TUBAL3: variants seen among roughly 807,000 people sequenced by gnomAD.
TUBAL3 encodes tubulin alpha chain-like 3.
In TUBAL3, 16 loss-of-function variants were observed where a neutral mutation model predicts 15.5. The ratio of observed to expected loss-of-function variants is 1.04; its 90% CI spans 0.70 to 1.57. The LOEUF is 1.57. Ranked by LOEUF, TUBAL3 falls within the 40% of genes most tolerant of loss-of-function variation. The pLI is 0.00. For missense variants in TUBAL3, 609 were observed against 576.2 expected (o/e 1.06, Z -0.58); for synonymous variants, 238 against 224.3 (o/e 1.06, Z -0.55).
rs782333333 is a variant in TUBAL3 at position 5,393,978 on chromosome 10, A to G, written c.880T>C (p.Ser294Pro). The G allele has an allele frequency of 2.5e-6, 4 of 1,614,216 alleles. No homozygotes were observed. The highest frequency in any genetic ancestry group is 3.4e-6 in the Non-Finnish European group (4 of 1,180,042). The change falls in exon 4 of 4, where the codon TCT becomes CCT. Residue 294 changes from serine (S) to proline (P), a missense_variant. Ser to Pro is a moderately conservative substitution (Grantham distance 74). Transcript: ENST00000380419. ...CAGGCAGTGGTGATGTCTGACACAG[A>G]GAACTGCTCATGGTAGGCTTTGTCA... ...SADKAYHEQF[S>P]VSDITTACFE...
At position 5,396,992 on chromosome 10, in the gene TUBAL3, C is replaced by T. The variant is rs1554814205; in HGVS notation, c.248-1517G>A. Among the ~76,000 whole-genome samples the T allele has an allele frequency of 6.6e-6, 1 of 152,200 alleles. No individual in the cohort carries two copies. Among genetic ancestry groups the T allele is most frequent in the Non-Finnish European group, 1.5e-5 (1 of 68,042 alleles). ...TAAATAAGGATTATAACAAGATCTACCCCATTGAGCTGTTACGAGAACATA... is the reference window on the plus strand; with the variant it reads ...TAAATAAGGATTATAACAAGATCTATCCCATTGAGCTGTTACGAGAACATA... On this transcript the variant is annotated intron_variant, in intron 2 of 3. Transcript: ENST00000380419. This position sits in a 1 kb window ranked among gnomAD's most constrained non-coding sequence, Gnocchi z 5.1.
rs781998041 is a variant in TUBAL3, at chr10:5,394,000, G to T, written c.858C>A (p.Asp286Glu). 19 of 1,614,186 alleles carry T rather than the reference G, an allele frequency of 1.2e-5. No individual in the cohort carries two copies. The highest frequency in any genetic ancestry group is 1.4e-5 in the Non-Finnish European group (17 of 1,180,044). Residue 286 changes from aspartate (D) to glutamate (E), a missense_variant, in exon 4 of 4, where the codon GAC becomes GAA. Asp to Glu is a conservative substitution (Grantham distance 45). Transcript: ENST00000380419. Reference sequence around the variant, plus strand: ...CAGAGAACTGCTCATGGTAGGCTTTGTCAGCAGAGACGATGGGGGCGAAGG... The same window carrying T: ...CAGAGAACTGCTCATGGTAGGCTTTTTCAGCAGAGACGATGGGGGCGAAGG... ...MTAFAPIVSA[D>E]KAYHEQFSVS...
In TUBAL3 at chr10:5,395,297, C is replaced by A; in HGVS notation, c.396+30G>T. Reference sequence around the variant, plus strand: ...AGGACCCCACATGCCCCAGGCACAGCCCACTCGGAGGAGAGGGGGAGCCAC... The same window carrying A: ...AGGACCCCACATGCCCCAGGCACAGACCACTCGGAGGAGAGGGGGAGCCAC... On this transcript the variant is annotated intron_variant, in intron 3 of 3. Transcript: ENST00000380419. The surrounding 1 kb of genome is among the most constrained non-coding windows in gnomAD (Gnocchi z 4.6). 1 of 1,470,394 alleles carries A rather than the reference C, an allele frequency of 6.8e-7. No homozygotes were observed. The highest frequency in any genetic ancestry group is 1.4e-5 in the South Asian group (1 of 71,148). 91.1% of individuals were successfully genotyped at this position (1,470,394 alleles called of 1,614,324 possible). A position where few individuals can be genotyped will look rare whatever the true frequency, so the allele number is the denominator to read the frequency against.
In TUBAL3 at chr10:5,394,363, T is replaced by A; in HGVS notation, c.495A>T (p.Thr165=). The change falls in exon 4 of 4, where the codon ACA becomes ACT. Residue 165 remains threonine (T), a synonymous_variant. Coordinates refer to ENST00000380419, the MANE Select transcript of TUBAL3 (RefSeq NM_024803.3). The surrounding 1 kb of genome is among the most constrained non-coding windows in gnomAD (Gnocchi z 4.3). ...GFTSLLMERL[T]GEYSRKTKLE... is the part of the protein sequence containing the mutation. ...GCTTAGTCTTTCTGCTATATTCTCC[T>A]GTGAGCCTCTCCATTAAGAGAGACG... The A allele has an allele frequency of 6.2e-7, 1 of 1,614,154 alleles. No individual in the cohort carries two copies. Among genetic ancestry groups the A allele is most frequent in the South Asian group, 1.1e-5 (1 of 91,078 alleles).
At chr10:5,398,415 T>G in intron 2 of TUBAL3, among the ~76,000 whole-genome samples, 1 of 107,060 alleles carries the variant, frequency 9.3e-6, no homozygotes, top group East Asian at 2.7e-4. Context: ...AGCAAAACTC[T>G]GTCTCAAAAA....
At position 5,394,200 on chromosome 10, in the gene TUBAL3, A is replaced by G. The variant is rs1831725053; in HGVS notation, c.658T>C (p.Cys220Arg). The change falls in exon 4 of 4, where the codon TGC (cysteine) becomes CGC (arginine). Residue 220 changes from cysteine (C) to arginine (R), a missense_variant. Transcript: ENST00000380419. The surrounding 1 kb of genome is among the most constrained non-coding windows in gnomAD (Gnocchi z 4.3). ...MVDNEAVYDI[C>R]HRKLGVECPS... ...CATTCAACACCGAGTTTACGATGGC[A>G]TATATCATAGACGGCCTCGTTGTCC... 6.2e-7 allele frequency: 1 copy of G among 1,614,078 alleles called. No individual in the cohort carries two copies. The highest frequency in any genetic ancestry group is 1.7e-5 in the Admixed American group (1 of 60,000).
At chr10:5,400,688 A>G (rs1554814551) in intron 2 of TUBAL3, among the ~76,000 whole-genome samples, 156 bp downstream of exon 2, 1 of 152,180 alleles carries the variant, frequency 6.6e-6, no homozygotes, top group East Asian at 1.9e-4. Context: ...TGTGTTTGTC[A>G]TGTTAATCAC....
chr10:5,395,229 G>A lies in TUBAL3; in HGVS notation c.396+98C>T. The A allele has an allele frequency of 7.9e-7, 1 of 1,264,390 alleles. No homozygotes were observed. The highest frequency in any genetic ancestry group is 1.0e-6 in the Non-Finnish European group (1 of 954,122). 78.3% of individuals were successfully genotyped at this position (1,264,390 alleles called of 1,614,324 possible). On this transcript the variant is annotated intron_variant, in intron 3 of 3. Transcript: ENST00000380419. This position sits in a 1 kb window ranked among gnomAD's most constrained non-coding sequence, Gnocchi z 4.6. ...GACCAGAGCCCAGGGAGAGACGGTTGGTGGCGATGGTGACAGCAGATAATG... is the reference window on the plus strand; with the variant it reads ...GACCAGAGCCCAGGGAGAGACGGTTAGTGGCGATGGTGACAGCAGATAATG...
At position 5,397,747 on chromosome 10, in the gene TUBAL3, A is replaced by C. The variant is rs1011893347; in HGVS notation, c.248-2272T>G. Among the ~76,000 whole-genome samples, 4 of 152,086 alleles carry C rather than the reference A, an allele frequency of 2.6e-5. No individual in the cohort carries two copies. The highest frequency in any genetic ancestry group is 5.9e-5 in the Non-Finnish European group (4 of 68,012). ...CTACGGTGTCAGTCAGCTGCATTCCACTTCAATCATCATCACTCAGAACTC... is the reference window on the plus strand; with the variant it reads ...CTACGGTGTCAGTCAGCTGCATTCCCCTTCAATCATCATCACTCAGAACTC... On this transcript the variant is annotated intron_variant, in intron 2 of 3. Coordinates refer to ENST00000380419, the MANE Select transcript of TUBAL3 (RefSeq NM_024803.3). The surrounding 1 kb of genome is among the most constrained non-coding windows in gnomAD (Gnocchi z 4.9).
At chr10:5,399,169 T>A (rs1554814420) in intron 2 of TUBAL3, among the ~76,000 whole-genome samples, 1 of 152,194 alleles carries the variant, frequency 6.6e-6, no homozygotes, top group African/African-American at 2.4e-5. Flanking sequence ...AGGATGATAA[T>A]AATGTCTCCT....
Position 5,404,783 on chromosome 10 carries a change from C to A in TUBAL3, c.3+7G>T. Reference sequence around the variant, plus strand: ...CTACAACAATGCATAGGCGTGTAGTCACTTACCATGCTGATGAGAACGTGC... The same window carrying A: ...CTACAACAATGCATAGGCGTGTAGTAACTTACCATGCTGATGAGAACGTGC... On this transcript the variant is annotated splice_region_variant and intron_variant, in intron 1 of 3. Coordinates refer to ENST00000380419, the MANE Select transcript of TUBAL3 (RefSeq NM_024803.3). 6.2e-7 allele frequency: 1 copy of A among 1,613,588 alleles called. No homozygotes were observed. The highest frequency in any genetic ancestry group is 1.1e-5 in the South Asian group (1 of 90,986).
chr10:5,399,707 C>T (rs1831820929), intron 2 of TUBAL3, among the ~76,000 whole-genome samples: 2 of 152,282 alleles, frequency 1.3e-5, no homozygotes, highest in African/African-American at 4.8e-5. Context: ...ACCTTGAATT[C>T]GTCAGCCTCT....
intron 2 of TUBAL3, among the ~76,000 whole-genome samples, chr10:5,400,588 G>A (rs1181586659): frequency 2.0e-5 from 3 of 152,102 alleles, no homozygotes; most frequent in Admixed American, 6.5e-5. Context: ...CCCAGATCAC[G>A]CTACTGCACT....
rs1163375102 is a variant in TUBAL3 at position 5,396,812 on chromosome 10, G to A, written c.248-1337C>T. Among the ~76,000 whole-genome samples the A allele has an allele frequency of 3.9e-5, 6 of 152,174 alleles. No homozygotes were observed. Among genetic ancestry groups the A allele is most frequent in the African/African-American group, 1.4e-4 (6 of 41,436 alleles). ...CTGATGATTAAACAGCAGTGTTTCA[G>A]GGCTAAGTAGGCTTTGGGACGGCTG... On this transcript the variant is annotated intron_variant, in intron 2 of 3. Transcript: ENST00000380419. The surrounding 1 kb of genome is among the most constrained non-coding windows in gnomAD (Gnocchi z 5.1).
intron 2 of TUBAL3, among the ~76,000 whole-genome samples, chr10:5,399,763 AG>A (rs1191501672): frequency 2.6e-5 from 4 of 152,274 alleles, no homozygotes; most frequent in African/African-American, 4.8e-5. Context: ...GCCAGCACCA[AG>A]GGGCAGCGAT....
rs147462566 is a variant in TUBAL3 at position 5,395,544 on chromosome 10, C to G, written c.248-69G>C. 4.5e-3 allele frequency: 6,034 copies of G among 1,341,084 alleles called. 303 individuals are homozygous for G. The Admixed American group carries it at 0.11, about 23-fold the overall frequency. The allele number at this position is 1,341,084 out of a possible 1,614,324, so 83.1% of individuals were successfully genotyped here. On this transcript the variant is annotated intron_variant, in intron 2 of 3. Coordinates refer to ENST00000380419, the MANE Select transcript of TUBAL3 (RefSeq NM_024803.3). The surrounding 1 kb of genome is among the most constrained non-coding windows in gnomAD (Gnocchi z 4.6). ...TTCAGCCGTCCACCTGCTGCTAGTC[C>G]TCCTGGAGCCTCCCCGTACTTGACT...
Position 5,393,981 on chromosome 10 carries a change from A to G in TUBAL3, c.877T>C (p.Phe293Leu). ...GCAGTGGTGATGTCTGACACAGAGA[A>G]CTGCTCATGGTAGGCTTTGTCAGCA... ...VSADKAYHEQFSVSDITTACF... is the reference protein window; with the variant it reads ...VSADKAYHEQLSVSDITTACF... Residue 293 changes from phenylalanine (F) to leucine (L), a missense_variant, in exon 4 of 4, where the codon TTC becomes CTC. Physicochemically the swap from Phe to Leu is conservative, Grantham distance 22. Coordinates refer to ENST00000380419, the MANE Select transcript of TUBAL3 (RefSeq NM_024803.3). 1.2e-6 allele frequency: 2 copies of G among 1,614,182 alleles called. No individual in the cohort carries two copies. The highest frequency in any genetic ancestry group is 8.5e-7 in the Non-Finnish European group (1 of 1,180,036).
In TUBAL3 at chr10:5,394,313, G is replaced by A. The variant is rs781625519; in HGVS notation, c.545C>T (p.Pro182Leu). 5.8e-5 allele frequency: 94 copies of A among 1,614,008 alleles called. No individual in the cohort carries two copies. The highest frequency in any genetic ancestry group is 1.2e-4 in the African/African-American group (9 of 74,898). Reference sequence around the variant, plus strand: ...CTCTACCACAGCAGTGGAGATCCTGGGGGCTGGGTAGACCGAGAACTCCAG... The same window carrying A: ...CTCTACCACAGCAGTGGAGATCCTGAGGGCTGGGTAGACCGAGAACTCCAG... ...TKLEFSVYPA[P>L]RISTAVVEPY... The change falls in exon 4 of 4, where the codon CCC (proline) becomes CTC (leucine). Residue 182 changes from proline (P) to leucine (L), a missense_variant. Transcript: ENST00000380419. This position sits in a 1 kb window ranked among gnomAD's most constrained non-coding sequence, Gnocchi z 4.3.
At chr10:5,398,516 T>C (rs1831800089) in intron 2 of TUBAL3, among the ~76,000 whole-genome samples, 1 of 151,840 alleles carries the variant, frequency 6.6e-6, no homozygotes, top group Non-Finnish European at 1.5e-5. Context: ...GGAAGACTGC[T>C]TGAGCCCAGG....
Sources: gnomAD v4.1 joint callset for allele counts (sites outside exome capture counted in the v4.1 genomes callset) on GRCh38, gnomAD v4.1.1 for gene constraint, Gnocchi (gnomAD v3.1) non-coding constraint, MANE v1.5 for transcripts, NCBI Gene and HGNC (gene_info 2026-07-23, HGNC 2026-07-21) for gene names.